GLCCI1: variants seen among roughly 807,000 people sequenced by gnomAD.
The protein encoded by GLCCI1 is glucocorticoid-induced transcript 1 protein.
Under a neutral mutation model 52.2 loss-of-function variants are expected in GLCCI1, and 24 were observed. The ratio of observed to expected loss-of-function variants is 0.46; its 90% confidence interval spans 0.33 to 0.65. GLCCI1 has a LOEUF of 0.65. Ranked by LOEUF, GLCCI1 falls within the 30% of genes least tolerant of loss-of-function variation. The probability of loss-of-function intolerance (pLI) is 0.02; values close to 1 mark genes in which losing one functional copy is unlikely to be tolerated. For synonymous variants in GLCCI1, 310 were observed against 276.5 expected (o/e 1.12, Z -1.20); for missense variants, 704 against 701.5 (o/e 1.00, Z -0.04).
chr7:7,980,069 A>G (rs1021971366), intron 1 of GLCCI1, among the ~76,000 whole-genome samples: 6 of 152,090 alleles, frequency 3.9e-5, no homozygotes, highest in Admixed American at 1.3e-4. Context: ...GGAGTGTGCC[A>G]GCACACCTGG....
At chr7:8,019,296 T>A (rs1244643880) in intron 2 of GLCCI1, among the ~76,000 whole-genome samples, 1 of 152,198 alleles carries the variant, frequency 6.6e-6, no homozygotes, top group African/African-American at 2.4e-5. Context: ...GAAGTTTAGT[T>A]TTATTAGGTC....
chr7:8,027,804 A>C (rs975379156), intron 3 of GLCCI1, among the ~76,000 whole-genome samples: 2 of 152,222 alleles, frequency 1.3e-5, no homozygotes, highest in Admixed American at 1.3e-4. Context: ...GAAACCAAAA[A>C]AGAGCAGGAG....
At chr7:8,076,134 A>G (rs776685933) in intron 6 of GLCCI1, among the ~76,000 whole-genome samples, 10 of 151,826 alleles carry the variant, frequency 6.6e-5, no homozygotes, top group Non-Finnish European at 1.3e-4. Flanking sequence ...CCTTTTTTTG[A>G]CCTATGCCCT....
chr7:8,082,304 A>T (rs957339392), intron 6 of GLCCI1, among the ~76,000 whole-genome samples: 5 of 152,142 alleles, frequency 3.3e-5, no homozygotes, highest in Non-Finnish European at 7.4e-5. Flanking sequence ...TCTTCTTTGT[A>T]TGTTAGAACT....
chr7:8,054,670 A>G (rs529467914), intron 3 of GLCCI1, among the ~76,000 whole-genome samples: 1 of 152,168 alleles, frequency 6.6e-6, no homozygotes, highest in Non-Finnish European at 1.5e-5. Context: ...TCAGGGAATA[A>G]TTATTAATTG....
intron 5 of GLCCI1, among the ~76,000 whole-genome samples, chr7:8,062,041 T>A (rs188269583): frequency 6.0e-4 from 91 of 152,300 alleles, no homozygotes; most frequent in African/African-American, 2.1e-3. Flanking sequence ...TGGATCTAAT[T>A]TTTAGAGGAT....
intron 4 of GLCCI1, among the ~76,000 whole-genome samples, chr7:8,056,306 GC>G (rs1782395616): frequency 6.6e-6 from 1 of 152,058 alleles, no homozygotes; most frequent in Admixed American, 6.6e-5. Context: ...TCAATGGTTA[GC>G]CTTCTCTTAA....
chr7:7,993,302 G>A (rs577293970), intron 1 of GLCCI1, among the ~76,000 whole-genome samples: 1 of 151,974 alleles, frequency 6.6e-6, no homozygotes, highest in Non-Finnish European at 1.5e-5. Flanking sequence ...AAAAATTCTC[G>A]ATTCTGCTCT....
intron 6 of GLCCI1, among the ~76,000 whole-genome samples, chr7:8,079,937 G>A (rs544865008): frequency 6.6e-6 from 1 of 151,614 alleles, no homozygotes; most frequent in South Asian, 2.1e-4. Flanking sequence ...TATAGCTGAT[G>A]TCTTGGTTCA....
chr7:8,030,539 G>A (rs1781722991), intron 3 of GLCCI1, among the ~76,000 whole-genome samples: 1 of 152,024 alleles, frequency 6.6e-6, no homozygotes, highest in African/African-American at 2.4e-5. Context: ...TGGAAAAATG[G>A]GATGACATCA....
At chr7:8,017,266 C>A (rs1781398055) in intron 2 of GLCCI1, among the ~76,000 whole-genome samples, 1 of 152,070 alleles carries the variant, frequency 6.6e-6, no homozygotes, top group Non-Finnish European at 1.5e-5. Flanking sequence ...GTAGTAATCA[C>A]CTGTGTTGCT....
At chr7:8,057,886 T>C (rs151181631) in intron 4 of GLCCI1, among the ~76,000 whole-genome samples, 3 of 152,140 alleles carry the variant, frequency 2.0e-5, no homozygotes, top group Non-Finnish European at 2.9e-5. Flanking sequence ...TTAAAAATTA[T>C]TATCCTTTGC....
intron 3 of GLCCI1, among the ~76,000 whole-genome samples, chr7:8,054,454 G>C (rs1782340427): frequency 6.6e-6 from 1 of 151,944 alleles, no homozygotes; most frequent in Admixed American, 6.6e-5. Flanking sequence ...TCCTTGTTTG[G>C]GTGCTTTATT....
At chr7:8,029,191 C>T (rs1452561703) in intron 3 of GLCCI1, among the ~76,000 whole-genome samples, 1 of 152,066 alleles carries the variant, frequency 6.6e-6, no homozygotes, top group African/African-American at 2.4e-5. Flanking sequence ...AATATGGATG[C>T]AAAAATCCTC....
chr7:8,062,991 G>A (rs1458589540), intron 5 of GLCCI1, among the ~76,000 whole-genome samples: 1 of 152,178 alleles, frequency 6.6e-6, no homozygotes, highest in East Asian at 1.9e-4. Context: ...ACTCAATAAT[G>A]GGATTGCTGA....
intron 2 of GLCCI1, among the ~76,000 whole-genome samples, chr7:8,020,886 T>G (rs974498513): frequency 3.3e-5 from 5 of 152,262 alleles, no homozygotes; most frequent in Non-Finnish European, 7.4e-5. Flanking sequence ...ATTTGGAGGG[T>G]TGAATTATTT....
chr7:8,008,895 AC>A (rs1562425920), intron 2 of GLCCI1, among the ~76,000 whole-genome samples: 1 of 152,110 alleles, frequency 6.6e-6, no homozygotes, highest in Non-Finnish European at 1.5e-5. Flanking sequence ...CCTTCACTGA[AC>A]AGTTTTTTTT....
intron 2 of GLCCI1, among the ~76,000 whole-genome samples, chr7:8,020,549 G>T (rs1400703424): frequency 3.9e-5 from 6 of 152,178 alleles, no homozygotes; most frequent in African/African-American, 1.4e-4. Flanking sequence ...TGTTGAAGCA[G>T]TTGCAGAATT....
chr7:8,028,922 A>G (rs1178638855), intron 3 of GLCCI1, among the ~76,000 whole-genome samples: 1 of 152,162 alleles, frequency 6.6e-6, no homozygotes, highest in East Asian at 1.9e-4. Flanking sequence ...CAAAGCCCAA[A>G]TGGGCCAATA....
Sources: gnomAD v4.1 joint callset for allele counts (sites outside exome capture counted in the v4.1 genomes callset) on GRCh38, gnomAD v4.1.1 for gene constraint, MANE v1.5 for transcripts, NCBI Gene and HGNC (gene_info 2026-07-23, HGNC 2026-07-21) for gene names.